ZNF438: variants seen among roughly 807,000 people sequenced by gnomAD.
The protein encoded by ZNF438 is zinc finger protein 438.
ZNF438 carries 25 observed loss-of-function variants against 38.0 expected under a neutral mutation model. The observed-to-expected ratio is 0.66, with a 90% CI of 0.48 to 0.92. ZNF438 has a LOEUF of 0.92. Ranked by LOEUF, ZNF438 falls within the 40% of genes least tolerant of loss-of-function variation. The pLI is 0.00. For synonymous variants in ZNF438, 372 were observed against 364.1 expected, an observed-to-expected ratio of 1.02 and a Z score of -0.25; for missense variants, 1,007 against 999.6, an observed-to-expected ratio of 1.01 and a Z score of -0.10.
At chr10:30,886,266 T>C (rs2039937349) in intron 3 of ZNF438, among the ~76,000 whole-genome samples, 1 of 152,278 alleles carries the variant, frequency 6.6e-6, no homozygotes, top group African/African-American at 2.4e-5. Flanking sequence ...GGTTATGACA[T>C]ATGGAAGAAA....
chr10:30,904,251 T>C (rs1225132816), intron 3 of ZNF438, among the ~76,000 whole-genome samples: 1 of 152,226 alleles, frequency 6.6e-6, no homozygotes, highest in Non-Finnish European at 1.5e-5. Flanking sequence ...TAACAAAGTT[T>C]ATCATGAAGG....
chr10:30,931,978 A>C (rs1053464470), intron 2 of ZNF438, among the ~76,000 whole-genome samples: 1 of 152,208 alleles, frequency 6.6e-6, no homozygotes, highest in Non-Finnish European at 1.5e-5. Flanking sequence ...GAGGGTAATA[A>C]CGTGCTCCCA....
At chr10:31,028,567 C>T (rs959684144) in intron 1 of ZNF438, among the ~76,000 whole-genome samples, 8 of 152,308 alleles carry the variant, frequency 5.3e-5, no homozygotes, top group East Asian at 1.9e-4. Flanking sequence ...TTTCATGCCC[C>T]ATCTCACAAG....
chr10:30,985,495 A>C (rs568815636), intron 1 of ZNF438, among the ~76,000 whole-genome samples: 2 of 152,360 alleles, frequency 1.3e-5, no homozygotes, highest in African/African-American at 4.8e-5. Context: ...GCTTTCTGTC[A>C]GCATCAGGAG....
At chr10:30,973,288 A>G (rs2050951989) in intron 1 of ZNF438, among the ~76,000 whole-genome samples, 1 of 152,202 alleles carries the variant, frequency 6.6e-6, no homozygotes, top group African/African-American at 2.4e-5. Flanking sequence ...AGGACTATAA[A>G]TGCCTTGAGA....
At position 30,848,841 on chromosome 10, in the gene ZNF438, G is replaced by A. The variant is rs779822338; in HGVS notation, c.1564C>T (p.Leu522Phe). Residue 522 changes from leucine to phenylalanine, a missense_variant, in exon 5 of 6, where the codon CTT (leucine) becomes TTT (phenylalanine). Transcript: ENST00000413025. ...GTGTGTGTATTCATGTGGTCTCGAAGGTGCTGTTTGAACTGGAAGTGGTGG... is the reference window on the plus strand; with the variant it reads ...GTGTGTGTATTCATGTGGTCTCGAAAGTGCTGTTTGAACTGGAAGTGGTGG... 4 of 1,614,220 alleles carry A rather than the reference G, an allele frequency of 2.5e-6. No individual in the cohort carries two copies. In the Admixed American group the frequency reaches 6.7e-5, roughly 27 times the overall value.
intron 2 of ZNF438, among the ~76,000 whole-genome samples, chr10:30,922,692 G>A (rs2044445200): frequency 6.6e-6 from 1 of 152,008 alleles, no homozygotes; most frequent in Admixed American, 6.6e-5. Context: ...AAAATTAGCT[G>A]GGAATGGTGG....
Position 30,958,292 on chromosome 10 carries a change from C to T in ZNF438, c.-191-16641G>A, listed in dbSNP as rs905776579. Among the ~76,000 whole-genome samples the T allele has an allele frequency of 2.7e-5, 4 of 147,104 alleles. 1 individual carries two copies. Among genetic ancestry groups the T allele is most frequent in the Non-Finnish European group, 6.2e-5 (4 of 64,870 alleles). ...TTACTATGAGGATGTTATTTAAGGACAGACTTGATTACACTGCACTATAAC... is the reference window on the plus strand; with the variant it reads ...TTACTATGAGGATGTTATTTAAGGATAGACTTGATTACACTGCACTATAAC... On this transcript the variant is annotated intron_variant, in intron 1 of 5. Coordinates refer to ENST00000413025, the Ensembl canonical transcript of ZNF438.
intron 4 of ZNF438, among the ~76,000 whole-genome samples, chr10:30,872,524 A>G (rs1588917275): frequency 6.7e-6 from 1 of 148,338 alleles, no homozygotes; most frequent in Non-Finnish European, 1.5e-5. Flanking sequence ...GCCGAGGCGG[A>G]CAGATCACGA....
chr10:30,885,295 G>A lies in ZNF438; in HGVS notation c.-31-8230C>T, dbSNP rs890502947. Among the ~76,000 whole-genome samples, 12 of 152,236 alleles carry A rather than the reference G, an allele frequency of 7.9e-5. 1 individual carries two copies. The highest frequency in any genetic ancestry group is 1.6e-4 in the Non-Finnish European group (11 of 68,006). ...TGGGCAGCTGCTCTTTTGACAGGCC[G>A]TCTTCCAGTTTTGATTCTACTGTTA... is the stretch of plus-strand genomic sequence containing the variant. On this transcript the variant is annotated intron_variant, in intron 3 of 5. Transcript: ENST00000413025.
chr10:30,879,527 GAGC>G (rs1195885503), intron 3 of ZNF438, among the ~76,000 whole-genome samples: 3 of 152,114 alleles, frequency 2.0e-5, no homozygotes, highest in Admixed American at 6.5e-5. Context: ...AATCAAAACT[GAGC>G]AGGACTGACA....
chr10:30,951,881 C>A (rs1248212545), intron 1 of ZNF438, among the ~76,000 whole-genome samples: 1 of 151,666 alleles, frequency 6.6e-6, no homozygotes, highest in African/African-American at 2.4e-5. Flanking sequence ...CCTTTCTTCA[C>A]AGAATTGGAA....
chr10:30,972,108 T>C (rs1763206194), intron 1 of ZNF438, among the ~76,000 whole-genome samples: 1 of 150,960 alleles, frequency 6.6e-6, no homozygotes, highest in Admixed American at 6.6e-5. Flanking sequence ...TAGCTGGGAC[T>C]ACAGGTGCCC....
chr10:30,948,004 G>A (rs557728911), intron 1 of ZNF438, among the ~76,000 whole-genome samples: 84 of 152,268 alleles, frequency 5.5e-4, no homozygotes, highest in Non-Finnish European at 1.1e-3. Flanking sequence ...GCTGTAGACC[G>A]GAGCTGTTCC....
chr10:30,858,988 T>A (rs955086761), intron 4 of ZNF438, among the ~76,000 whole-genome samples: 83 of 152,204 alleles, frequency 5.5e-4, no homozygotes, highest in Admixed American at 5.4e-3. Context: ...ATTATCCCAA[T>A]GATAAGCAGA....
chr10:30,872,303 G>A lies in ZNF438; in HGVS notation c.37+4695C>T, dbSNP rs531883376. On this transcript the variant is annotated intron_variant, in intron 4 of 5. Coordinates refer to ENST00000413025, the Ensembl canonical transcript of ZNF438. Reference sequence around the variant, plus strand: ...TAGCCACGTGTGGTGGTGCGCTCCTGTAGTCCCAGCTATTCGGGAGGCTGA... The same window carrying A: ...TAGCCACGTGTGGTGGTGCGCTCCTATAGTCCCAGCTATTCGGGAGGCTGA... 2.6e-5 allele frequency among the ~76,000 whole-genome samples: 4 copies of A among 151,880 alleles called. No individual in the cohort carries two copies. The East Asian group carries it at 7.8e-4, about 30-fold the overall frequency.
Position 30,850,516 on chromosome 10 carries a change from C to T in ZNF438, c.38-149G>A, listed in dbSNP as rs1588747651. ...GGGCAAAATCTTGTGTCCCTCAAGA[C>T]CAGCTTGAAGATCAATTCCTGCCTA... On this transcript the variant is annotated intron_variant, in intron 4 of 5. Coordinates refer to ENST00000413025, the Ensembl canonical transcript of ZNF438. 6 of 814,138 alleles carry T rather than the reference C, an allele frequency of 7.4e-6. No individual in the cohort carries two copies. In the East Asian group the frequency reaches 1.4e-4, roughly 19 times the overall value. 50.4% of individuals were successfully genotyped at this position (814,138 alleles called of 1,614,324 possible). A position where few individuals can be genotyped will look rare whatever the true frequency, so the allele number is the denominator to read the frequency against.
At chr10:30,942,879 G>A (rs1309160320) in intron 1 of ZNF438, among the ~76,000 whole-genome samples, 6 of 152,206 alleles carry the variant, frequency 3.9e-5, no homozygotes, top group East Asian at 1.9e-4. Context: ...CTGAAGTCAC[G>A]AAAGAAGAGC....
chr10:30,949,394 G>A (rs1212827400), intron 1 of ZNF438, among the ~76,000 whole-genome samples: 3 of 152,126 alleles, frequency 2.0e-5, no homozygotes, highest in African/African-American at 4.8e-5. Flanking sequence ...AAATTCACAT[G>A]TAACAATATT....
Sources: allele counts gnomAD v4.1 joint callset (sites outside exome capture counted in the v4.1 genomes callset), GRCh38; gene constraint gnomAD v4.1.1; transcripts MANE v1.5; gene names NCBI Gene and HGNC (gene_info 2026-07-23, HGNC 2026-07-21).